The following CEP170 variants were observed in gnomAD, a reference collection of about 807,000 sequenced individuals.
CEP170 encodes centrosomal protein of 170 kDa.
In CEP170, 21 loss-of-function variants were observed where a neutral mutation model predicts 151.9. The ratio of observed to expected loss-of-function variants is 0.14; its 90% CI spans 0.10 to 0.20. The LOEUF (loss-of-function observed/expected upper bound fraction) is 0.20. Among genes scored for constraint, CEP170 ranks in the 10% least tolerant of loss-of-function variants. The pLI, the probability that CEP170 is intolerant of heterozygous loss-of-function variation, is 1.00. For synonymous variants in CEP170, 356 were observed against 648.8 expected (o/e 0.55, Z 6.86); for missense variants, 964 against 1,892.9 (o/e 0.51, Z 9.11).
At chr1:243,159,636 A>C (rs1170851628) in intron 13 of CEP170, among the ~76,000 whole-genome samples, 1 of 152,202 alleles carries the variant, frequency 6.6e-6, no homozygotes, top group African/African-American at 2.4e-5. Context: ...AAAGAGAAGA[A>C]ACAGGCCCAG....
At chr1:243,135,154 C>A (rs2054897692) in intron 17 of CEP170, among the ~76,000 whole-genome samples, 1 of 152,020 alleles carries the variant, frequency 6.6e-6, no homozygotes, top group South Asian at 2.1e-4. Context: ...AATTAATATT[C>A]TTTTAGGAGG....
chr1:243,188,030 T>C (rs1000949804), intron 8 of CEP170, among the ~76,000 whole-genome samples: 8 of 151,930 alleles, frequency 5.3e-5, no homozygotes, highest in African/African-American at 1.7e-4. Flanking sequence ...ATGGGATTAA[T>C]TAATGAAATC....
intron 4 of CEP170, among the ~76,000 whole-genome samples, chr1:243,204,892 T>C (rs1391736165): frequency 1.3e-5 from 2 of 152,074 alleles, no homozygotes; most frequent in East Asian, 1.9e-4. Flanking sequence ...GTAAAAAGAA[T>C]TGGATTTATT....
In CEP170 at chr1:243,172,600, C is replaced by A. The variant is rs539968259; in HGVS notation, c.1716+97G>T. On this transcript the variant is annotated intron_variant, in intron 11 of 19. Coordinates refer to ENST00000366542, the MANE Select transcript of CEP170 (RefSeq NM_014812.3). ...TGAGCCGAGATCCTGCCATTGCACTCCAGCCTGGGCAACAGAGTGAAACTC... is the reference window on the plus strand; with the variant it reads ...TGAGCCGAGATCCTGCCATTGCACTACAGCCTGGGCAACAGAGTGAAACTC... 18 of 1,081,724 alleles carry A rather than the reference C, an allele frequency of 1.7e-5. No homozygotes were observed. The South Asian group carries it at 3.9e-4, about 23-fold the overall frequency. 67.0% of individuals were successfully genotyped at this position (1,081,724 alleles called of 1,614,324 possible).
At chr1:243,208,885 T>C (rs896500224) in intron 4 of CEP170, among the ~76,000 whole-genome samples, 2 of 152,058 alleles carry the variant, frequency 1.3e-5, no homozygotes, top group African/African-American at 4.8e-5. Flanking sequence ...CCACTGGGAC[T>C]ATGCCTGGCA....
chr1:243,155,962 GA>G (rs1475497531), intron 14 of CEP170, among the ~76,000 whole-genome samples: 1 of 151,430 alleles, frequency 6.6e-6, no homozygotes, highest in Non-Finnish European at 1.5e-5. Context: ...ATCTTTAAAA[GA>G]AATTCTTAAA....
rs1271426390 is a variant in CEP170 at position 243,129,352 on chromosome 1, T to C, written c.4413+8A>G. 6.4e-6 allele frequency: 10 copies of C among 1,559,884 alleles called. No individual in the cohort carries two copies. Among genetic ancestry groups the C allele is most frequent in the Non-Finnish European group, 8.7e-6 (10 of 1,154,312 alleles). On this transcript the variant is annotated splice_region_variant and intron_variant, in intron 18 of 19. Coordinates refer to ENST00000366542, the MANE Select transcript of CEP170 (RefSeq NM_014812.3). ...AAATGTTTTAATCTTCAAGAAAAAT[T>C]ACTATACCATGCTTGAGGTTTTCAC...
intron 10 of CEP170, among the ~76,000 whole-genome samples, chr1:243,175,973 T>C (rs1188021186): frequency 6.6e-6 from 1 of 152,166 alleles, no homozygotes; most frequent in Non-Finnish European, 1.5e-5. Context: ...ATTTTTTGTA[T>C]TTTTAGCAGA....
At chr1:243,182,348 T>C (rs1041875943) in intron 10 of CEP170, among the ~76,000 whole-genome samples, 5 of 152,176 alleles carry the variant, frequency 3.3e-5, no homozygotes, top group African/African-American at 1.2e-4. Flanking sequence ...GTCTCAGATA[T>C]AGCAACACAA....
chr1:243,128,102 G>C, intron 19 of CEP170, 147 bp downstream of exon 19: 1 of 552,114 alleles, frequency 1.8e-6, no homozygotes, highest in Non-Finnish European at 3.0e-6. Flanking sequence ...TCCTTTTTAT[G>C]AATAATGTGA....
chr1:243,170,710 C>G (rs34985677), intron 11 of CEP170, among the ~76,000 whole-genome samples: 3 of 152,176 alleles, frequency 2.0e-5, no homozygotes, highest in Non-Finnish European at 4.4e-5. Context: ...AGGGGAATCG[C>G]GTGAACCCGG....
intron 10 of CEP170, among the ~76,000 whole-genome samples, chr1:243,178,094 G>A (rs1040838044): frequency 1.9e-4 from 29 of 151,972 alleles, no homozygotes; most frequent in South Asian, 4.2e-4. Context: ...TTGGGAGGCC[G>A]AAGGCGGGTG....
intron 14 of CEP170, among the ~76,000 whole-genome samples, chr1:243,146,783 A>G (rs1332566548): frequency 3.9e-5 from 6 of 152,228 alleles, no homozygotes; most frequent in African/African-American, 1.4e-4. Flanking sequence ...TAGCACACAG[A>G]GGCGGTAAGA....
At chr1:243,163,567 T>C (rs2058228372) in intron 13 of CEP170, among the ~76,000 whole-genome samples, 2 of 152,248 alleles carry the variant, frequency 1.3e-5, no homozygotes, top group South Asian at 2.1e-4. Flanking sequence ...ACCTAATTAC[T>C]AGAGTTAAAT....
intron 16 of CEP170, among the ~76,000 whole-genome samples, chr1:243,138,865 T>G (rs2055454301): frequency 6.6e-6 from 1 of 152,172 alleles, no homozygotes; most frequent in Non-Finnish European, 1.5e-5. Flanking sequence ...GTCTTTATTT[T>G]CAACTTTAGG....
intron 1 of CEP170, among the ~76,000 whole-genome samples, chr1:243,242,701 TCC>T (rs2064973838): frequency 2.6e-5 from 4 of 151,698 alleles, no homozygotes; most frequent in African/African-American, 9.7e-5. Flanking sequence ...AAATTTTGAA[TCC>T]TTTTTTTTTT....
At chr1:243,138,290 T>G (rs1487708981) in intron 16 of CEP170, among the ~76,000 whole-genome samples, 1 of 151,428 alleles carries the variant, frequency 6.6e-6, no homozygotes, top group Admixed American at 6.6e-5. Context: ...GAGAATAGGC[T>G]CTTTTCCTGA....
At chr1:243,202,749 G>T (rs945536214) in intron 4 of CEP170, among the ~76,000 whole-genome samples, 1 of 151,792 alleles carries the variant, frequency 6.6e-6, no homozygotes, top group East Asian at 1.9e-4. Flanking sequence ...TGTTTTATCC[G>T]CAAAAAACTC....
At chr1:243,151,016 G>A (rs1354098857) in intron 14 of CEP170, among the ~76,000 whole-genome samples, 3 of 152,122 alleles carry the variant, frequency 2.0e-5, no homozygotes, top group African/African-American at 7.2e-5. Context: ...CTGTCACTGA[G>A]GTTATCTCAG....
Sources: allele counts gnomAD v4.1 joint callset (sites outside exome capture counted in the v4.1 genomes callset), GRCh38; gene constraint gnomAD v4.1.1; transcripts MANE v1.5; gene names NCBI Gene and HGNC (gene_info 2026-07-23, HGNC 2026-07-21).